AHNAK: variants seen among roughly 807,000 people sequenced by gnomAD.
AHNAK encodes AHNAK nucleoprotein.
A neutral mutation model predicts 37.8 loss-of-function variants in AHNAK; 23 were observed. That is an observed-to-expected ratio of 0.61 (90% CI 0.44 to 0.86). The LOEUF (loss-of-function observed/expected upper bound fraction) is 0.86. AHNAK is among the 40% of genes least tolerant of loss of function. The pLI is 0.00. For missense variants in AHNAK, 7,411 were observed against 7,319.4 expected (o/e 1.01, Z -0.46); for synonymous variants, 2,481 against 2,636.3 (o/e 0.94, Z 1.80).
intron 1 of AHNAK, among the ~76,000 whole-genome samples, chr11:62,541,108 C>T (rs1315325846): frequency 1.3e-5 from 2 of 152,196 alleles, no homozygotes; most frequent in African/African-American, 4.8e-5. Flanking sequence ...TAGAGACAGC[C>T]CTGCAGCCAG....
chr11:62,532,900 T>C lies in AHNAK; in HGVS notation c.1517A>G (p.Asp506Gly). ...CAGTTTAGGAGACCCAAGGCTCAGA[T>C]CCACATCCTGCATGGAGATTTTAGG... is the stretch of plus-strand genomic sequence containing the variant. ...QKPKISMQDVDLSLGSPKLKG... is the reference protein window; with the variant it reads ...QKPKISMQDVGLSLGSPKLKG... The change falls in exon 5 of 5, where the codon GAT (aspartate) becomes GGT (glycine). Residue 506 changes from aspartate (D) to glycine (G), a missense_variant. Transcript: ENST00000378024. 6.2e-7 allele frequency: 1 copy of C among 1,614,108 alleles called. No homozygotes were observed. The highest frequency in any genetic ancestry group is 2.2e-5 in the East Asian group (1 of 44,878).
chr11:62,516,572 C>A lies in AHNAK; in HGVS notation c.*172G>T. ...GAACTCTTTACCTATCTGTATAGTTCCAGGAGCCTACAGGCGGTCGGTTTT... is the reference window on the plus strand; with the variant it reads ...GAACTCTTTACCTATCTGTATAGTTACAGGAGCCTACAGGCGGTCGGTTTT... On this transcript the variant is annotated 3_prime_UTR_variant, in exon 5 of 5. Coordinates refer to ENST00000378024, the MANE Select transcript of AHNAK (RefSeq NM_001620.3). 1.4e-6 allele frequency: 2 copies of A among 1,461,150 alleles called. No individual in the cohort carries two copies. The highest frequency in any genetic ancestry group is 1.8e-6 in the Non-Finnish European group (2 of 1,117,260). The allele number at this position is 1,461,150 out of a possible 1,614,324, so 90.5% of individuals were successfully genotyped here.
chr11:62,517,847 T>C lies in AHNAK; in HGVS notation c.16570A>G (p.Lys5524Glu), dbSNP rs558961069. Residue 5524 changes from lysine to glutamate, a missense_variant, in exon 5 of 5, where the codon AAA becomes GAA. Physicochemically the swap from Lys to Glu is moderately conservative, Grantham distance 56. Transcript: ENST00000378024. ...PTGQISGPEI[K>E]GGLKGSEVGF... ...ACTTCTGAACCTTTCAGACCACCTT[T>C]GATTTCAGGCCCAGAAATCTGCCCA... is the stretch of plus-strand genomic sequence containing the variant. The C allele has an allele frequency of 6.2e-7, 1 of 1,614,172 alleles. No individual in the cohort carries two copies. Among genetic ancestry groups the C allele is most frequent in the East Asian group, 2.2e-5 (1 of 44,878 alleles).
chr11:62,518,330 C>T lies in AHNAK; in HGVS notation c.16087G>A (p.Val5363Met), dbSNP rs1408151343. 3.7e-6 allele frequency: 6 copies of T among 1,614,106 alleles called. No homozygotes were observed. The highest frequency in any genetic ancestry group is 5.1e-6 in the Non-Finnish European group (6 of 1,180,046). The stretch of plus-strand genomic sequence containing the variant: ...TGCAGGCTTGGTCCCCTCAGTGTCA[C>T]ATCTGGTGCCCCAACGTTAAGCTTT... The part of the protein sequence containing the change: ...TTKLNVGAPD[V>M]TLRGPSLQGD... The change falls in exon 5 of 5, where the codon GTG becomes ATG. Residue 5363 changes from valine (V) to methionine (M), a missense_variant. By Grantham distance (21) the Val-to-Met change is conservative. Transcript: ENST00000378024.
At position 62,520,047 on chromosome 11, in the gene AHNAK, C is replaced by G. The variant is rs757075929; in HGVS notation, c.14370G>C (p.Met4790Ile). ...MPKVKMPKFS[M>I]PGFKGEGPDV... is the part of the protein sequence containing the mutation. Reference sequence around the variant, plus strand: ...CTGGACCTTCTCCTTTGAAGCCAGGCATGCTGAATTTGGGCATTTTCACCT... The same window carrying G: ...CTGGACCTTCTCCTTTGAAGCCAGGGATGCTGAATTTGGGCATTTTCACCT... Residue 4790 changes from methionine to isoleucine, a missense_variant, in exon 5 of 5, where the codon ATG (methionine) becomes ATC (isoleucine). Physicochemically the swap from Met to Ile is conservative, Grantham distance 10. Coordinates refer to ENST00000378024, the MANE Select transcript of AHNAK (RefSeq NM_001620.3). 1 of 1,613,286 alleles carries G rather than the reference C, an allele frequency of 6.2e-7. No individual in the cohort carries two copies. The highest frequency in any genetic ancestry group is 1.3e-5 in the African/African-American group (1 of 74,606).
rs760190418 is a variant in AHNAK, at chr11:62,521,983, C to T, written c.12434G>A (p.Gly4145Asp). The change falls in exon 5 of 5, where the codon GGC (glycine) becomes GAC (aspartate). Residue 4145 changes from glycine (G) to aspartate (D), a missense_variant. Transcript: ENST00000378024. ...DLNLKGPKMKGDVDVSLPKVE... is the reference protein window; with the variant it reads ...DLNLKGPKMKDDVDVSLPKVE... ...TTTGGGCAGAGAAACGTCCACGTCG[C>T]CCTTCATCTTTGGACCTTTCAGATT... 3.1e-6 allele frequency: 5 copies of T among 1,613,628 alleles called. No homozygotes were observed. In the South Asian group the frequency reaches 4.4e-5, roughly 14 times the overall value.
chr11:62,536,304 A>G, intron 2 of AHNAK, 165 bp downstream of exon 2: 2 of 493,190 alleles, frequency 4.1e-6, no homozygotes, highest in South Asian at 6.7e-5. Context: ...AAGTTCTCCC[A>G]AGGCACAGCA....
At position 62,528,860 on chromosome 11, in the gene AHNAK, G is replaced by A; in HGVS notation, c.5557C>T (p.Pro1853Ser). ...FKMPEMHFKA[P>S]KISMPDVDLH... Reference sequence around the variant, plus strand: ...TCCACATCAGGCATGGAGATCTTGGGGGCCTTGAAGTGCATCTCAGGCATC... The same window carrying A: ...TCCACATCAGGCATGGAGATCTTGGAGGCCTTGAAGTGCATCTCAGGCATC... The change falls in exon 5 of 5, where the codon CCC becomes TCC. Residue 1853 changes from proline (P) to serine (S), a missense_variant. Pro to Ser is a moderately conservative substitution (Grantham distance 74). Transcript: ENST00000378024. 2 of 1,613,168 alleles carry A rather than the reference G, an allele frequency of 1.2e-6. No homozygotes were observed. The highest frequency in any genetic ancestry group is 8.5e-7 in the Non-Finnish European group (1 of 1,179,782).
At chr11:62,542,279 A>G (rs1055589633) in intron 1 of AHNAK, among the ~76,000 whole-genome samples, 1 of 151,878 alleles carries the variant, frequency 6.6e-6, no homozygotes, top group African/African-American at 2.4e-5. Context: ...ATGCCTGTTT[A>G]CCTGGCACCT....
intron 5 of AHNAK, among the ~76,000 whole-genome samples, chr11:62,475,602 CTTTT>C (rs55773953): frequency 1.7e-5 from 2 of 118,054 alleles, no homozygotes; most frequent in African/African-American, 7.1e-5. Flanking sequence ...TTATGTTATA[CTTTT>C]TTTTTTTTTT....
chr11:62,535,512 G>T (rs1050504255), intron 3 of AHNAK, among the ~76,000 whole-genome samples: 7 of 152,082 alleles, frequency 4.6e-5, no homozygotes, highest in Non-Finnish European at 8.8e-5. Context: ...GTCTGGTGTG[G>T]TGGTGCATGC....
chr11:62,516,931 C>T lies in AHNAK; in HGVS notation c.17486G>A (p.Gly5829Glu). The change falls in exon 5 of 5, where the codon GGG (glycine) becomes GAG (glutamate). Residue 5829 changes from glycine to glutamate, a missense_variant. By Grantham distance (98) the Gly-to-Glu change is moderately conservative (BLOSUM62 -2). Transcript: ENST00000378024. Reference protein sequence around the residue: ...KLKFGTFGGLGSKSKGHYEVT... With the variant: ...KLKFGTFGGLESKSKGHYEVT... The stretch of plus-strand genomic sequence containing the variant: ...CTCATAATGACCTTTGCTCTTTGAC[C>T]CCAATCCACCAAAGGTACCGAATTT... 1 of 1,614,104 alleles carries T rather than the reference C, an allele frequency of 6.2e-7. No homozygotes were observed. Among genetic ancestry groups the T allele is most frequent in the Non-Finnish European group, 8.5e-7 (1 of 1,180,026 alleles).
rs184197876 is a variant in AHNAK at position 62,495,820 on chromosome 11, G to A, written c.343-3989C>T. On this transcript the variant is annotated intron_variant, in intron 4 of 5. Coordinates refer to the AHNAK transcript ENST00000257247. ...TCCCAGAACTTTGGGAAGCCAAGGC[G>A]GTTGAATTATTTGAGGCCAGAAGTT... 4.0e-5 allele frequency among the ~76,000 whole-genome samples: 6 copies of A among 151,572 alleles called. No individual in the cohort carries two copies. In the East Asian group the frequency reaches 9.7e-4, roughly 24 times the overall value.
rs781572114 is a variant in AHNAK, at chr11:62,524,014, G to A, written c.10403C>T (p.Pro3468Leu). The change falls in exon 5 of 5, where the codon CCA becomes CTA. Residue 3468 changes from proline (P) to leucine (L), a missense_variant. Pro to Leu is a moderately conservative substitution (Grantham distance 98). Coordinates refer to ENST00000378024, the MANE Select transcript of AHNAK (RefSeq NM_001620.3). Reference protein sequence around the residue: ...LNAPDVDVHGPDWNLKMPKMK... With the variant: ...LNAPDVDVHGLDWNLKMPKMK... Reference sequence around the variant, plus strand: ...CTTGGGCATTTTCAGATTCCAGTCTGGACCATGAACATCCACATCAGGTGC... The same window carrying A: ...CTTGGGCATTTTCAGATTCCAGTCTAGACCATGAACATCCACATCAGGTGC... 31 of 1,614,030 alleles carry A rather than the reference G, an allele frequency of 1.9e-5. No homozygotes were observed. The highest frequency in any genetic ancestry group is 1.0e-4 in the Admixed American group (6 of 59,990).
At chr11:62,434,637 C>A (rs1222347645) in intron 5 of AHNAK, among the ~76,000 whole-genome samples, 2 of 152,092 alleles carry the variant, frequency 1.3e-5, no homozygotes, top group Non-Finnish European at 2.9e-5. Context: ...GAAACAAATC[C>A]AGCTTTCGGG....
At chr11:62,502,018 C>T (rs545104776) in intron 4 of AHNAK, among the ~76,000 whole-genome samples, 10 of 152,328 alleles carry the variant, frequency 6.6e-5, no homozygotes, top group South Asian at 6.2e-4. Flanking sequence ...CCACCCATTT[C>T]GGACCAAACT....
At chr11:62,491,749 A>G (rs2134895801) in exon 5 of AHNAK, 1 of 1,611,648 alleles carries the variant, frequency 6.2e-7, no homozygotes, top group Non-Finnish European at 8.5e-7. Flanking sequence ...TGGGGTGGAG[A>G]CTGAAACTGC....
chr11:62,438,357 A>G (rs543593506), intron 5 of AHNAK, among the ~76,000 whole-genome samples: 60 of 151,190 alleles, frequency 4.0e-4, no homozygotes, highest in Non-Finnish European at 7.5e-4. Context: ...TAATTTTTGT[A>G]TTTTTAGTAG....
chr11:62,507,530 C>T (rs1315093402), intron 4 of AHNAK, among the ~76,000 whole-genome samples: 1 of 152,210 alleles, frequency 6.6e-6, no homozygotes, highest in African/African-American at 2.4e-5. Context: ...CGGGCTCACA[C>T]CTGTAATCCC....
Sources: gnomAD v4.1 joint callset for allele counts (sites outside exome capture counted in the v4.1 genomes callset) on GRCh38, gnomAD v4.1.1 for gene constraint, MANE v1.5 for transcripts, NCBI Gene and HGNC (gene_info 2026-07-23, HGNC 2026-07-21) for gene names.